CSMD1: variants seen among roughly 807,000 people sequenced by gnomAD.
The protein encoded by CSMD1 is CUB and Sushi multiple domains 1.
Under a neutral mutation model 417.5 loss-of-function variants are expected in CSMD1, and 213 were observed. The ratio of observed to expected loss-of-function variants is 0.51; its 90% confidence interval spans 0.46 to 0.57. The LOEUF (loss-of-function observed/expected upper bound fraction) is 0.57. Among genes scored for constraint, CSMD1 ranks in the 20% least tolerant of loss-of-function variants. The probability of loss-of-function intolerance (pLI) is 0.00; values close to 1 mark genes in which losing one functional copy is unlikely to be tolerated. For missense variants in CSMD1, 6,923 were observed against 4,529.7 expected, an observed-to-expected ratio of 1.53 and a Z score of -15.17; for synonymous variants, 2,862 against 1,736.8, an observed-to-expected ratio of 1.65 and a Z score of -16.11.
chr8:3,968,237 A>G (rs1812825189), intron 5 of CSMD1, among the ~76,000 whole-genome samples: 2 of 151,912 alleles, frequency 1.3e-5, no homozygotes, highest in Admixed American at 1.3e-4. Flanking sequence ...TGCCATAATC[A>G]TATTTCTCAA....
chr8:4,068,664 T>C (rs1012770185), intron 3 of CSMD1, among the ~76,000 whole-genome samples: 15 of 152,076 alleles, frequency 9.9e-5, no homozygotes, highest in Admixed American at 9.8e-4. Flanking sequence ...ATAAAAAAAA[T>C]GGAAAAGATA....
chr8:4,633,236 T>C (rs1327940366), intron 2 of CSMD1, among the ~76,000 whole-genome samples: 1 of 151,944 alleles, frequency 6.6e-6, no homozygotes, highest in Non-Finnish European at 1.5e-5. Context: ...GGTGTTTTTT[T>C]ATGTGTTCGT....
chr8:4,330,824 A>T (rs1799829226), intron 3 of CSMD1, among the ~76,000 whole-genome samples: 1 of 152,170 alleles, frequency 6.6e-6, no homozygotes, highest in African/African-American at 2.4e-5. Flanking sequence ...TCATTCTTGC[A>T]CATGCAGCTC....
At chr8:3,703,834 G>C (rs375760454) in intron 7 of CSMD1, among the ~76,000 whole-genome samples, 158 of 152,302 alleles carry the variant, frequency 1.0e-3, no homozygotes, top group Middle Eastern at 3.4e-3. Flanking sequence ...ACTTAAGGAG[G>C]CCAAGGCAGG....
intron 5 of CSMD1, among the ~76,000 whole-genome samples, chr8:3,817,439 C>T (rs1801449471): frequency 6.6e-6 from 1 of 151,756 alleles, no homozygotes. Flanking sequence ...CGCCAACATT[C>T]CCAGCTCATT....
chr8:4,601,193 G>A (rs1290003493), intron 2 of CSMD1, among the ~76,000 whole-genome samples: 2 of 152,068 alleles, frequency 1.3e-5, no homozygotes, highest in Admixed American at 6.6e-5. Flanking sequence ...AACCTCAGAT[G>A]ATCCCCCACA....
At chr8:3,982,535 A>C (rs911581808) in intron 5 of CSMD1, among the ~76,000 whole-genome samples, 13 of 152,132 alleles carry the variant, frequency 8.5e-5, no homozygotes, top group Non-Finnish European at 2.9e-5. Context: ...ATTTAGAATT[A>C]TGTGCACTAG....
chr8:2,964,540 T>G (rs573058456), intron 59 of CSMD1, among the ~76,000 whole-genome samples: 3 of 149,706 alleles, frequency 2.0e-5, no homozygotes, highest in South Asian at 2.2e-4. Context: ...CTGGCCGTGG[T>G]GTTGTTACAA....
At chr8:4,320,000 T>C (rs530660546) in intron 3 of CSMD1, among the ~76,000 whole-genome samples, 29 of 152,264 alleles carry the variant, frequency 1.9e-4, no homozygotes, top group African/African-American at 6.3e-4. Context: ...AATAGGAGTA[T>C]TGGGTTAAGT....
chr8:4,899,150 C>T (rs867244413), intron 1 of CSMD1, among the ~76,000 whole-genome samples: 1 of 152,154 alleles, frequency 6.6e-6, no homozygotes. Flanking sequence ...GCAAATTGAG[C>T]TAAAACCTTT....
intron 5 of CSMD1, among the ~76,000 whole-genome samples, chr8:3,813,091 GT>G (rs10714284): frequency 0.35 from 47,059 of 135,468 alleles, 7,967 homozygotes; most frequent in Middle Eastern, 0.46. Flanking sequence ...TTTTAAGCTA[GT>G]TTTTTTTTTT....
intron 42 of CSMD1, among the ~76,000 whole-genome samples, chr8:3,116,075 C>T (rs1346069395): frequency 6.6e-6 from 1 of 152,164 alleles, no homozygotes; most frequent in African/African-American, 2.4e-5. Context: ...TTTGAACAGC[C>T]TCCGCATTCT....
chr8:4,076,521 T>C (rs890498432), intron 3 of CSMD1, among the ~76,000 whole-genome samples: 4 of 152,164 alleles, frequency 2.6e-5, no homozygotes, highest in African/African-American at 4.8e-5. Context: ...TATGAACAAA[T>C]AGAGCCAAAA....
intron 2 of CSMD1, among the ~76,000 whole-genome samples, chr8:4,556,229 G>A (rs997397629): frequency 6.6e-5 from 10 of 152,024 alleles, no homozygotes; most frequent in Admixed American, 5.9e-4. Flanking sequence ...AGAAAAGTTA[G>A]GATTTCTCCC....
At chr8:4,471,228 C>T (rs997241587) in intron 2 of CSMD1, among the ~76,000 whole-genome samples, 2 of 152,100 alleles carry the variant, frequency 1.3e-5, no homozygotes, top group East Asian at 1.9e-4. Flanking sequence ...GTCTCGTGTT[C>T]CCCAAGCTCA....
intron 17 of CSMD1, among the ~76,000 whole-genome samples, chr8:3,388,190 C>A (rs905930191): frequency 6.6e-6 from 1 of 152,108 alleles, no homozygotes; most frequent in Non-Finnish European, 1.5e-5. Flanking sequence ...TGTTATTTTT[C>A]TAAGTTTGCA....
intron 49 of CSMD1, among the ~76,000 whole-genome samples, chr8:3,083,521 G>A (rs1302557707): frequency 1.4e-5 from 2 of 143,308 alleles, no homozygotes; most frequent in Non-Finnish European, 3.0e-5. Flanking sequence ...CATCAGTAAG[G>A]AAGTCGCTTA....
At chr8:3,739,960 G>A (rs1022613612) in intron 6 of CSMD1, among the ~76,000 whole-genome samples, 1 of 152,110 alleles carries the variant, frequency 6.6e-6, no homozygotes, top group African/African-American at 2.4e-5. Context: ...GCCAGAGTTC[G>A]ATTCTCCTTC....
chr8:3,668,669 T>A (rs967782908), intron 7 of CSMD1, among the ~76,000 whole-genome samples: 1 of 151,952 alleles, frequency 6.6e-6, no homozygotes, highest in Non-Finnish European at 1.5e-5. Context: ...CAGTCTGAGG[T>A]GTCCAGAGAT....
Sources: allele counts gnomAD v4.1 joint callset (sites outside exome capture counted in the v4.1 genomes callset), GRCh38; gene constraint gnomAD v4.1.1; transcripts MANE v1.5; gene names NCBI Gene and HGNC (gene_info 2026-07-23, HGNC 2026-07-21).